The following SERINC5 variants were observed in gnomAD, a reference collection of about 807,000 sequenced individuals.
SERINC5 encodes the protein chromosome 5 open reading frame 12.
In SERINC5, 41 loss-of-function variants were observed where a neutral mutation model predicts 63.1. The ratio of observed to expected loss-of-function variants is 0.65; its 90% CI spans 0.51 to 0.84. The LOEUF is 0.84. Among genes scored for constraint, SERINC5 ranks in the 40% least tolerant of loss-of-function variants. The pLI is 0.00. For missense variants in SERINC5, 523 were observed against 573.0 expected (o/e 0.91, Z 0.89); for synonymous variants, 222 against 215.2 (o/e 1.03, Z -0.28).
chr5:80,246,900 T>C (rs1431647048), intron 1 of SERINC5, among the ~76,000 whole-genome samples: 2 of 152,238 alleles, frequency 1.3e-5, no homozygotes, highest in African/African-American at 2.4e-5. Context: ...GGATGCCTAA[T>C]ATTTGGGAAC....
rs1745565895 is a variant in SERINC5 at position 80,142,424 on chromosome 5, G to C, written c.*1239C>G. On this transcript the variant is annotated 3_prime_UTR_variant, in exon 12 of 12. Coordinates refer to ENST00000507668, the MANE Select transcript of SERINC5 (RefSeq NM_001174072.3). The stretch of plus-strand genomic sequence containing the variant: ...ATTTTTCTATTTTTAATAGAGACAG[G>C]GTTTCACCATGTTAGCCAGGCTGGT... 1.1e-6 allele frequency: 1 copy of C among 908,014 alleles called. No individual in the cohort carries two copies. The highest frequency in any genetic ancestry group is 1.8e-5 in the African/African-American group (1 of 55,532). The allele number at this position is 908,014 out of a possible 1,614,324, so 56.2% of individuals were successfully genotyped here.
At chr5:80,197,012 G>T (rs922479404) in intron 2 of SERINC5, among the ~76,000 whole-genome samples, 2 of 152,076 alleles carry the variant, frequency 1.3e-5, no homozygotes, top group African/African-American at 4.8e-5. Flanking sequence ...GCCACTTAAA[G>T]GAATGAAGTA....
intron 1 of SERINC5, among the ~76,000 whole-genome samples, chr5:80,236,816 C>G (rs1460650136): frequency 6.8e-6 from 1 of 146,962 alleles, no homozygotes; most frequent in Non-Finnish European, 1.5e-5. Flanking sequence ...CATGAGCCAC[C>G]GCACCTGGCC....
intron 8 of SERINC5, among the ~76,000 whole-genome samples, chr5:80,154,395 T>G (rs1746387817): frequency 6.6e-6 from 1 of 152,130 alleles, no homozygotes; most frequent in South Asian, 2.1e-4. Flanking sequence ...GTCAGGCTGG[T>G]CTTGAACTCC....
chr5:80,229,491 C>T, intron 1 of SERINC5, among the ~76,000 whole-genome samples: 1 of 152,072 alleles, frequency 6.6e-6, no homozygotes, highest in East Asian at 1.9e-4. Flanking sequence ...AACTCACCTA[C>T]ATTGAACATT....
chr5:80,116,686 C>G (rs1279497635), intron 11 of SERINC5, among the ~76,000 whole-genome samples: 1 of 152,038 alleles, frequency 6.6e-6, no homozygotes, highest in Non-Finnish European at 1.5e-5. Context: ...CATATGTTCA[C>G]TCGTTCATTA....
intron 2 of SERINC5, among the ~76,000 whole-genome samples, chr5:80,198,329 C>T (rs79700015): frequency 0.03 from 4,534 of 152,252 alleles, 87 homozygotes; most frequent in Non-Finnish European, 0.048. Context: ...AGCCAAAGTT[C>T]TCCTGGGAAA....
At chr5:80,177,446 A>G in intron 3 of SERINC5, 49 bp from the exon 4 acceptor site, 1 of 1,449,780 alleles carries the variant, frequency 6.9e-7, no homozygotes, top group Non-Finnish European at 9.7e-7. Flanking sequence ...ATGACATTCA[A>G]GAAGGACAAA....
intron 11 of SERINC5, among the ~76,000 whole-genome samples, chr5:80,124,397 G>A (rs1348371779): frequency 6.6e-6 from 1 of 152,174 alleles, no homozygotes; most frequent in Non-Finnish European, 1.5e-5. Flanking sequence ...GCCTTTAAGT[G>A]TCTGCCAAAC....
At chr5:80,158,742 G>T (rs764075073) in intron 8 of SERINC5, 94 bp downstream of exon 8, 17 of 1,241,868 alleles carry the variant, frequency 1.4e-5, no homozygotes, top group Non-Finnish European at 1.9e-5. Context: ...CTCCTCAAAT[G>T]GTTGCAGCCT....
rs148748169 is a variant in SERINC5 at position 80,143,262 on chromosome 5, C to G, written c.*401G>C. On this transcript the variant is annotated 3_prime_UTR_variant, in exon 12 of 12. Coordinates refer to ENST00000507668, the MANE Select transcript of SERINC5 (RefSeq NM_001174072.3). ...TGAGAGGGGTCTGGATTCTGTTAGG[C>G]GCTGGGGACTCAAGATTTTGGCATG... 2,065 of 1,001,134 alleles carry G rather than the reference C, an allele frequency of 2.1e-3. 25 individuals carry two copies. The African/African-American group carries it at 0.032, about 16-fold the overall frequency. 62.0% of individuals were successfully genotyped at this position (1,001,134 alleles called of 1,614,324 possible). A position where few individuals can be genotyped will look rare whatever the true frequency, so the allele number is the denominator to read the frequency against.
downstream of SERINC5, among the ~76,000 whole-genome samples, chr5:80,135,904 G>C (rs796982136): frequency 2.0e-5 from 3 of 151,960 alleles, no homozygotes; most frequent in African/African-American, 7.2e-5. Flanking sequence ...AAAAGCAAAT[G>C]ATGAATTCAG....
chr5:80,126,564 A>G (rs528409914), intron 11 of SERINC5, among the ~76,000 whole-genome samples: 2 of 152,364 alleles, frequency 1.3e-5, no homozygotes, highest in African/African-American at 4.8e-5. Context: ...AGGTTGAGAT[A>G]TATCTAAAAC....
chr5:80,179,331 T>C (rs62364027), intron 2 of SERINC5, among the ~76,000 whole-genome samples: 31,491 of 152,114 alleles, frequency 0.21, 4,526 homozygotes, highest in African/African-American at 0.41. Context: ...CAATAAGCCA[T>C]GAAGAGTCTT....
chr5:80,173,618 A>C (rs1263082408), intron 5 of SERINC5, among the ~76,000 whole-genome samples: 1 of 151,758 alleles, frequency 6.6e-6, no homozygotes, highest in Non-Finnish European at 1.5e-5. Context: ...AAGAAAAGAA[A>C]AGAACAAAAG....
At chr5:80,147,390 G>C (rs373519454) in intron 9 of SERINC5, 106 bp from the exon 10 acceptor site, 5 of 1,135,114 alleles carry the variant, frequency 4.4e-6, no homozygotes, top group African/African-American at 2.2e-5. Flanking sequence ...CCCTTCAAAA[G>C]ATGTGGACTG....
At chr5:80,240,818 G>A (rs1399322851) in intron 1 of SERINC5, among the ~76,000 whole-genome samples, 1 of 152,038 alleles carries the variant, frequency 6.6e-6, no homozygotes, top group Non-Finnish European at 1.5e-5. Context: ...GACTACAGGT[G>A]CATGCCACCA....
chr5:80,246,974 A>T (rs565200063), intron 1 of SERINC5, among the ~76,000 whole-genome samples: 44 of 152,192 alleles, frequency 2.9e-4, no homozygotes, highest in Non-Finnish European at 6.2e-4. Flanking sequence ...CATAACCCTA[A>T]ATTCAACTGC....
intron 1 of SERINC5, among the ~76,000 whole-genome samples, chr5:80,231,387 T>C (rs1375230190): frequency 6.6e-6 from 1 of 152,180 alleles, no homozygotes; most frequent in African/African-American, 2.4e-5. Context: ...TATTTATAGT[T>C]TGTGATCTGT....
Sources: allele counts gnomAD v4.1 joint callset (sites outside exome capture counted in the v4.1 genomes callset), GRCh38; gene constraint gnomAD v4.1.1; transcripts MANE v1.5; gene names NCBI Gene and HGNC (gene_info 2026-07-23, HGNC 2026-07-21).